Variants in BAG3 observed in about 807,000 individuals in gnomAD.
BAG3 encodes BAG cochaperone 3, also known as BAG family molecular chaperone regulator 3.
Under a neutral mutation model 40.5 loss-of-function variants are expected in BAG3, and 14 were observed. The ratio of observed to expected loss-of-function variants is 0.35; its 90% confidence interval spans 0.23 to 0.54. The LOEUF is 0.54. BAG3 is among the 20% of genes least tolerant of loss of function. The probability of loss-of-function intolerance (pLI) is 0.91; values close to 1 mark genes in which losing one functional copy is unlikely to be tolerated. For missense variants in BAG3, 788 were observed against 758.6 expected (o/e 1.04, Z -0.46); for synonymous variants, 302 against 307.8 (o/e 0.98, Z 0.20).
rs770517568 is a variant in BAG3 at position 119,676,675 on chromosome 10, C to G, written c.1121C>G (p.Pro374Arg). The G allele has an allele frequency of 1.9e-6, 3 of 1,614,168 alleles. 1 individual carries two copies. The highest frequency in any genetic ancestry group is 4.5e-5 in the East Asian group (2 of 44,882). The part of the protein sequence containing the change: ...VKVPPAPVPC[P>R]PPSPGPSAVP... ...GTTCCCCCTGCTCCAGTTCCTTGTC[C>G]TCCTCCCAGCCCTGGCCCTTCTGCT... Residue 374 changes from proline to arginine, a missense_variant, in exon 4 of 4, where the codon CCT becomes CGT. By Grantham distance (103) the Pro-to-Arg change is moderately radical. Transcript: ENST00000369085.
Position 119,672,186 on chromosome 10 carries a change from G to T in BAG3, c.508-69G>T, listed in dbSNP as rs978476877. 2 of 1,592,818 alleles carry T rather than the reference G, an allele frequency of 1.3e-6. No homozygotes were observed. The highest frequency in any genetic ancestry group is 1.1e-5 in the South Asian group (1 of 90,648). Reference sequence around the variant, plus strand: ...GCCCTGAGGAGGTGCACAGCAGAAGGCGTGGTCAGGATGCCAAGCCAGGGG... The same window carrying T: ...GCCCTGAGGAGGTGCACAGCAGAAGTCGTGGTCAGGATGCCAAGCCAGGGG... On this transcript the variant is annotated intron_variant, in intron 2 of 3. Transcript: ENST00000369085. This position sits in a 1 kb window ranked among gnomAD's most constrained non-coding sequence, Gnocchi z 4.8.
intron 1 of BAG3, among the ~76,000 whole-genome samples, chr10:119,665,237 C>T (rs993640062): frequency 1.4e-4 from 20 of 143,380 alleles, no homozygotes; most frequent in Non-Finnish European, 2.6e-4. Flanking sequence ...CCCGGGTTCA[C>T]GCCATTCTCC....
At chr10:119,652,710 T>C (rs1018585384) in intron 1 of BAG3, among the ~76,000 whole-genome samples, 3 of 152,202 alleles carry the variant, frequency 2.0e-5, no homozygotes, top group African/African-American at 4.8e-5. Flanking sequence ...ATTAAAATAC[T>C]TAGGATTTGT....
In BAG3 at chr10:119,651,728, A is replaced by G. The variant is rs1419611154; in HGVS notation, c.53A>G (p.Asp18Gly). 6.3e-7 allele frequency: 1 copy of G among 1,596,494 alleles called. No individual in the cohort carries two copies. The highest frequency in any genetic ancestry group is 8.5e-7 in the Non-Finnish European group (1 of 1,172,250). The change falls in exon 1 of 4, where the codon GAC (aspartate) becomes GGC (glycine). Residue 18 changes from aspartate (D) to glycine (G), a missense_variant. Asp to Gly is a moderately conservative substitution (Grantham distance 94, BLOSUM62 -1). Transcript: ENST00000369085. The stretch of plus-strand genomic sequence containing the variant: ...ATGCAGGTGGCGTCCGGCAACGGTG[A>G]CCGCGACCCTTTGCCCCCCGGATGG... ...PMMQVASGNG[D>G]RDPLPPGWEI...
chr10:119,662,539 G>A (rs1001887568), intron 1 of BAG3, among the ~76,000 whole-genome samples: 2 of 152,132 alleles, frequency 1.3e-5, no homozygotes, highest in Admixed American at 1.3e-4. Flanking sequence ...CTTGACCCAT[G>A]TGAAGGCTCT....
intron 1 of BAG3, among the ~76,000 whole-genome samples, chr10:119,665,503 T>G (rs1194641917): frequency 1.3e-5 from 2 of 152,028 alleles, no homozygotes; most frequent in Non-Finnish European, 2.9e-5. Flanking sequence ...GGTCTTGAAC[T>G]CCTGACCTCA....
chr10:119,653,160 G>A (rs954966354), intron 1 of BAG3, among the ~76,000 whole-genome samples: 5 of 152,166 alleles, frequency 3.3e-5, no homozygotes, highest in Non-Finnish European at 7.3e-5. Flanking sequence ...CAGTGAGACC[G>A]TGTACAGGCA....
intron 1 of BAG3, among the ~76,000 whole-genome samples, chr10:119,652,953 T>C (rs939748653): frequency 2.6e-5 from 4 of 152,228 alleles, no homozygotes; most frequent in Non-Finnish European, 2.9e-5. Context: ...AAATATGTTA[T>C]ACTTAAAGCT....
chr10:119,675,860 TCCC>T (rs1847221171), intron 3 of BAG3, among the ~76,000 whole-genome samples: 1 of 35,598 alleles, frequency 2.8e-5, no homozygotes, highest in African/African-American at 1.2e-4. Context: ...CCTGCCCCCT[TCCC>T]CCTTGCCCCC....
At chr10:119,668,324 C>T (rs1310029362) in intron 1 of BAG3, among the ~76,000 whole-genome samples, 1 of 152,266 alleles carries the variant, frequency 6.6e-6, no homozygotes, top group Non-Finnish European at 1.5e-5. Flanking sequence ...TCTCAAAGTG[C>T]AGAGCAGCCC....
Position 119,651,747 on chromosome 10 carries a change from C to G in BAG3, c.72C>G (p.Pro24=). Residue 24 remains proline (P), a synonymous_variant, in exon 1 of 4, where the codon CCC becomes CCG. Transcript: ENST00000369085. ...ACGGTGACCGCGACCCTTTGCCCCC[C>G]GGATGGGAGATCAAGATCGACCCGC... ...SGNGDRDPLP[P]GWEIKIDPQT... is the part of the protein sequence containing the mutation. 1 of 1,599,836 alleles carries G rather than the reference C, an allele frequency of 6.3e-7. No homozygotes were observed. Among genetic ancestry groups the G allele is most frequent in the Non-Finnish European group, 8.5e-7 (1 of 1,173,664 alleles).
intron 1 of BAG3, among the ~76,000 whole-genome samples, chr10:119,663,338 C>T (rs995518981): frequency 1.9e-4 from 29 of 152,000 alleles, no homozygotes; most frequent in African/African-American, 7.0e-4. Context: ...CTCACTCTGT[C>T]GCCCAGGCTG....
intron 1 of BAG3, among the ~76,000 whole-genome samples, chr10:119,652,272 C>T (rs2134051059): frequency 6.6e-6 from 1 of 152,240 alleles, no homozygotes; most frequent in South Asian, 2.1e-4. Context: ...GGGCCCGGGA[C>T]CCGCGGCGCA....
At chr10:119,652,842 A>C (rs1846862646) in intron 1 of BAG3, among the ~76,000 whole-genome samples, 1 of 152,232 alleles carries the variant, frequency 6.6e-6, no homozygotes, top group African/African-American at 2.4e-5. Flanking sequence ...TGAAAATGTA[A>C]ATTTGGAATG....
At position 119,670,153 on chromosome 10, in the gene BAG3, G is replaced by A. The variant is rs758279156; in HGVS notation, c.483G>A (p.Gln161=). Residue 161 remains glutamine (Q), a synonymous_variant, in exon 2 of 4, where the codon CAG becomes CAA. Transcript: ENST00000369085. The stretch of plus-strand genomic sequence containing the variant: ...AGGTGGCAGCGGCGGCGGCAGCCCA[G>A]CCCCCAGCCTCCCACGGACCTGAGG... ...CGQVAAAAAA[Q]PPASHGPERS... is the part of the protein sequence containing the mutation. 2.9e-5 allele frequency: 46 copies of A among 1,610,944 alleles called. No homozygotes were observed. The highest frequency in any genetic ancestry group is 3.8e-5 in the Non-Finnish European group (45 of 1,179,146).
chr10:119,671,078 C>T (rs980626040), intron 2 of BAG3, among the ~76,000 whole-genome samples: 2 of 152,098 alleles, frequency 1.3e-5, no homozygotes, highest in Admixed American at 1.3e-4. Flanking sequence ...CTGGCTGAGG[C>T]AGGTGGATCA....
chr10:119,670,501 G>A (rs924611724), intron 2 of BAG3, among the ~76,000 whole-genome samples: 10 of 152,358 alleles, frequency 6.6e-5, no homozygotes, highest in Middle Eastern at 6.8e-3. Flanking sequence ...AGCTGGGACC[G>A]GAAGCCTGGC....
Position 119,677,312 on chromosome 10 carries a change from C to G in BAG3, c.*30C>G, listed in dbSNP as rs369267138. The G allele has an allele frequency of 1.2e-6, 2 of 1,612,260 alleles. No individual in the cohort carries two copies. Among genetic ancestry groups the G allele is most frequent in the Non-Finnish European group, 1.7e-6 (2 of 1,179,358 alleles). Reference sequence around the variant, plus strand: ...TGCCCTGTAAAAATCAGACTCGGAACCGATGTGTGCTTTAGGGAATTTTAA... The same window carrying G: ...TGCCCTGTAAAAATCAGACTCGGAAGCGATGTGTGCTTTAGGGAATTTTAA... On this transcript the variant is annotated 3_prime_UTR_variant, in exon 4 of 4. Transcript: ENST00000369085.
At chr10:119,661,584 T>C (rs1171257894) in intron 1 of BAG3, among the ~76,000 whole-genome samples, 1 of 152,094 alleles carries the variant, frequency 6.6e-6, no homozygotes, top group East Asian at 1.9e-4. Context: ...AAATTTTTTT[T>C]CCCATTGAAA....
Sources: gnomAD v4.1 joint callset for allele counts (sites outside exome capture counted in the v4.1 genomes callset) on GRCh38, gnomAD v4.1.1 for gene constraint, Gnocchi (gnomAD v3.1) non-coding constraint, MANE v1.5 for transcripts, NCBI Gene and HGNC (gene_info 2026-07-23, HGNC 2026-07-21) for gene names.